The following MASP1 variants were observed in gnomAD, a reference collection of about 807,000 sequenced individuals.
MASP1 encodes MBL associated serine protease 1, also known as mannan-binding lectin serine protease 1.
In MASP1, 59 loss-of-function variants were observed where a neutral mutation model predicts 77.1. The ratio of observed to expected loss-of-function variants is 0.77; its 90% CI spans 0.62 to 0.95. MASP1 has a LOEUF of 0.95. Ranked by LOEUF, MASP1 falls within the 40% of genes least tolerant of loss-of-function variation. MASP1 has a pLI of 0.00. For synonymous variants in MASP1, 362 were observed against 354.5 expected, an observed-to-expected ratio of 1.02 and a Z score of -0.24; for missense variants, 885 against 912.9, an observed-to-expected ratio of 0.97 and a Z score of 0.39.
At position 187,286,100 on chromosome 3, in the gene MASP1, G is replaced by A. The variant is rs2287365; in HGVS notation, c.6-44C>T. The A allele has an allele frequency of 4.6e-4, 665 of 1,457,596 alleles. 5 individuals carry two copies. In the East Asian group the frequency reaches 0.013, roughly 29 times the overall value. The allele number at this position is 1,457,596 out of a possible 1,614,324, so 90.3% of individuals were successfully genotyped here. On this transcript the variant is annotated intron_variant, in intron 1 of 10. Transcript: ENST00000296280. ...GGTCTACTTACATTTATAAACACAG[G>A]CCCCTGCCATTCATCTCAATCACAG... is the stretch of plus-strand genomic sequence containing the variant.
chr3:187,248,472 G>A (rs567660548), intron 8 of MASP1, among the ~76,000 whole-genome samples: 1 of 152,332 alleles, frequency 6.6e-6, no homozygotes, highest in African/African-American at 2.4e-5. Flanking sequence ...GGGACTGTCA[G>A]CTTGTAGAGT....
rs956713602 is a variant in MASP1, at chr3:187,253,325, A to G, written c.745-10T>C. 3.1e-6 allele frequency: 5 copies of G among 1,614,054 alleles called. No homozygotes were observed. Among genetic ancestry groups the G allele is most frequent in the Non-Finnish European group, 1.7e-6 (2 of 1,179,942 alleles). The stretch of plus-strand genomic sequence containing the variant: ...TTGGACCAACTTTGATCTGCAAAAT[A>G]TGAGAGAGAGAGAGAGAAATAGAGT... On this transcript the variant is annotated splice_polypyrimidine_tract_variant and intron_variant, in intron 5 of 10. Coordinates refer to ENST00000296280, the MANE Select transcript of MASP1 (RefSeq NM_139125.4).
At position 187,236,063 on chromosome 3, in the gene MASP1, T is replaced by C; in HGVS notation, c.1808A>G (p.Asp603Gly). The C allele has an allele frequency of 6.2e-7, 1 of 1,614,122 alleles. No homozygotes were observed. The highest frequency in any genetic ancestry group is 1.3e-5 in the African/African-American group (1 of 75,050). The change falls in exon 11 of 11, where the codon GAT becomes GGT. Residue 603 changes from aspartate to glycine, a missense_variant. By Grantham distance (94) the Asp-to-Gly change is moderately conservative. Coordinates refer to ENST00000296280, the MANE Select transcript of MASP1 (RefSeq NM_139125.4). ...CCGTGTGCCACTGCTGATGATCTCA[T>C]CCACTGTCACATTGGGATTGGAGAT... ...WGISNPNVTV[D>G]EIISSGTRTL...
chr3:187,232,445 T>C (rs1275171249), downstream of MASP1, among the ~76,000 whole-genome samples: 1 of 152,198 alleles, frequency 6.6e-6, no homozygotes, highest in African/African-American at 2.4e-5. Context: ...TACTGCCTAC[T>C]TACATTTCCA....
At chr3:187,247,330 C>G in intron 8 of MASP1, 1 of 1,614,044 alleles carries the variant, frequency 6.2e-7, no homozygotes, top group Admixed American at 1.7e-5. Context: ...GGGGTCCCGT[C>G]ATTCACTCTG....
chr3:187,257,313 T>C (rs1437008644), intron 4 of MASP1, among the ~76,000 whole-genome samples: 7 of 152,222 alleles, frequency 4.6e-5, no homozygotes, highest in Admixed American at 3.9e-4. Context: ...TTTTTCTTTA[T>C]AGTGCTATTC....
At position 187,235,240 on chromosome 3, in the gene MASP1, T is replaced by A; in HGVS notation, c.*444A>T. 1 of 1,291,452 alleles carries A rather than the reference T, an allele frequency of 7.7e-7. No homozygotes were observed. Among genetic ancestry groups the A allele is most frequent in the Non-Finnish European group, 1.0e-6 (1 of 991,744 alleles). 80.0% of individuals were successfully genotyped at this position (1,291,452 alleles called of 1,614,324 possible). Reference sequence around the variant, plus strand: ...TCCCAGAAGGCAGAGCAGGAAAATATACAGATGCGGCATTCAGTTCAATGT... The same window carrying A: ...TCCCAGAAGGCAGAGCAGGAAAATAAACAGATGCGGCATTCAGTTCAATGT... On this transcript the variant is annotated 3_prime_UTR_variant, in exon 11 of 11. Transcript: ENST00000296280.
intron 9 of MASP1, 81 bp from the exon 10 acceptor site, chr3:187,241,636 T>A (rs1213798966): frequency 3.1e-6 from 3 of 959,088 alleles, no homozygotes; most frequent in East Asian, 4.8e-5. Flanking sequence ...GGGTATTTAA[T>A]TTCTCTAAAG....
At chr3:187,280,733 C>T (rs144046841) in intron 2 of MASP1, among the ~76,000 whole-genome samples, 413 of 152,242 alleles carry the variant, frequency 2.7e-3, no homozygotes, top group African/African-American at 9.6e-3. Context: ...TGGGACTTTG[C>T]TGTTTTTTAA....
rs139675771 is a variant in MASP1 at position 187,222,910 on chromosome 3, C to A, written c.1809+217G>T. On this transcript the variant is annotated intron_variant, in intron 14 of 15. Transcript: ENST00000337774. ...TAATAAGCTACCAGAAAAACTTAAC[C>A]GTGTTTAGAGGCTAGAGTCCATGAC... Among the ~76,000 whole-genome samples the A allele has an allele frequency of 2.6e-5, 4 of 152,176 alleles. No homozygotes were observed. The East Asian group carries it at 7.7e-4, about 29-fold the overall frequency.
At chr3:187,282,842 C>T (rs1206379462) in intron 2 of MASP1, among the ~76,000 whole-genome samples, 1 of 152,226 alleles carries the variant, frequency 6.6e-6, no homozygotes, top group Non-Finnish European at 1.5e-5. Context: ...TATCTCACCT[C>T]CCGCCGCCAC....
At chr3:187,247,471 A>G (rs1714194066) in intron 8 of MASP1, 1 of 1,490,198 alleles carries the variant, frequency 6.7e-7, no homozygotes, top group Non-Finnish European at 9.4e-7. Context: ...AGAGATTAGC[A>G]AGCAAAGCAG....
chr3:187,251,442 C>T lies in MASP1; in HGVS notation c.1011+192G>A, dbSNP rs1367667630. ...AAAAAAAAAAAACAAACTTTTGTGCCACTTTCAGAGTGTGAGACCGCCTGG... is the reference window on the plus strand; with the variant it reads ...AAAAAAAAAAAACAAACTTTTGTGCTACTTTCAGAGTGTGAGACCGCCTGG... On this transcript the variant is annotated intron_variant, in intron 7 of 10. Transcript: ENST00000296280. 4 of 582,942 alleles carry T rather than the reference C, an allele frequency of 6.9e-6. No homozygotes were observed. The East Asian group carries it at 1.2e-4, about 17-fold the overall frequency. The allele number at this position is 582,942 out of a possible 1,614,324, so 36.1% of individuals were successfully genotyped here.
rs1445169845 is a variant in MASP1, at chr3:187,234,757, G to A, written c.*927C>T. 1 of 1,287,124 alleles carries A rather than the reference G, an allele frequency of 7.8e-7. No individual in the cohort carries two copies. Among genetic ancestry groups the A allele is most frequent in the African/African-American group, 1.5e-5 (1 of 65,790 alleles). 79.7% of individuals were successfully genotyped at this position (1,287,124 alleles called of 1,614,324 possible). A position where few individuals can be genotyped will look rare whatever the true frequency, so the allele number is the denominator to read the frequency against. On this transcript the variant is annotated 3_prime_UTR_variant, in exon 11 of 11. Transcript: ENST00000296280. The stretch of plus-strand genomic sequence containing the variant: ...CCAAAAGCACAGCAGGACACAGTGT[G>A]GGTCTTTTCTTTTTCCAGGTAATCG...
intron 1 of MASP1, 190 bp downstream of exon 1, chr3:187,291,438 T>C (rs901377683): frequency 1.4e-6 from 1 of 699,412 alleles, no homozygotes; most frequent in Non-Finnish European, 2.6e-6. Context: ...TTATGTCTCC[T>C]GGAGTCCTGG....
intron 5 of MASP1, among the ~76,000 whole-genome samples, chr3:187,255,833 CTT>C (rs373806607): frequency 6.8e-6 from 1 of 147,290 alleles, no homozygotes; most frequent in Non-Finnish European, 1.5e-5. Flanking sequence ...TTCTAGCTTC[CTT>C]TTTTTTTTTC....
At chr3:187,233,191 C>T (rs1329764746), downstream of MASP1, among the ~76,000 whole-genome samples, 1 of 152,190 alleles carries the variant, frequency 6.6e-6, no homozygotes, top group African/African-American at 2.4e-5. Context: ...CACCCTCAGA[C>T]ATACTGAATT....
intron 1 of MASP1, among the ~76,000 whole-genome samples, chr3:187,290,578 C>G (rs151055455): frequency 6.6e-6 from 1 of 152,248 alleles, no homozygotes; most frequent in East Asian, 1.9e-4. Context: ...TTTTTAAGGA[C>G]CTGGTTATCT....
chr3:187,221,143 C>T, intron 14 of MASP1: 1 of 1,608,608 alleles, frequency 6.2e-7, no homozygotes, highest in Non-Finnish European at 8.5e-7. Flanking sequence ...ATCTAGAACA[C>T]AAAGCTGTTA....
Sources: allele counts gnomAD v4.1 joint callset (sites outside exome capture counted in the v4.1 genomes callset), GRCh38; gene constraint gnomAD v4.1.1; transcripts MANE v1.5; gene names NCBI Gene and HGNC (gene_info 2026-07-23, HGNC 2026-07-21).